DNAJC10: variants seen among roughly 807,000 people sequenced by gnomAD.
DNAJC10 encodes the protein endoplasmic reticulum disulfide reductase DNAJC10.
Under a neutral mutation model 115.0 loss-of-function variants are expected in DNAJC10, and 101 were observed. The observed-to-expected ratio is 0.88, with a 90% CI of 0.75 to 1.04. The LOEUF is 1.04. DNAJC10 is among the 50% of genes least tolerant of loss of function. The probability of loss-of-function intolerance (pLI) is 0.00; values close to 1 mark genes in which losing one functional copy is unlikely to be tolerated. For missense variants in DNAJC10, 981 were observed against 928.8 expected (o/e 1.06, Z -0.73); for synonymous variants, 307 against 301.5 (o/e 1.02, Z -0.19).
At chr2:182,764,314 A>T (rs1230482668) in intron 22 of DNAJC10, among the ~76,000 whole-genome samples, 3 of 152,166 alleles carry the variant, frequency 2.0e-5, no homozygotes, top group Non-Finnish European at 4.4e-5. Flanking sequence ...GTGGCTTATC[A>T]CTGAGGCTGT....
Position 182,743,638 on chromosome 2 carries a change from G to C in DNAJC10, c.1232G>C (p.Ser411Thr). The C allele has an allele frequency of 6.2e-7, 1 of 1,613,656 alleles. No homozygotes were observed. Among genetic ancestry groups the C allele is most frequent in the Non-Finnish European group, 8.5e-7 (1 of 1,179,810 alleles). Reference protein sequence around the residue: ...FDCSSAPDICSNLYVFQPSLA... With the variant: ...FDCSSAPDICTNLYVFQPSLA... The stretch of plus-strand genomic sequence containing the variant: ...TGTTCCTCTGCACCAGACATCTGTA[G>C]TAATCTGTATGTTTTTCAGCCGTCT... Residue 411 changes from serine to threonine, a missense_variant, in exon 14 of 24, where the codon AGT becomes ACT. By Grantham distance (58) the Ser-to-Thr change is moderately conservative (BLOSUM62 1). Coordinates refer to ENST00000264065, the MANE Select transcript of DNAJC10 (RefSeq NM_018981.4).
At chr2:182,748,081 C>G (rs1247442248) in intron 14 of DNAJC10, among the ~76,000 whole-genome samples, 1 of 144,956 alleles carries the variant, frequency 6.9e-6, no homozygotes, top group Non-Finnish European at 1.5e-5. Context: ...GGATGAAGCC[C>G]ACTTGATCAT....
intron 9 of DNAJC10, among the ~76,000 whole-genome samples, chr2:182,731,839 G>A (rs568783694): frequency 3.9e-5 from 6 of 152,238 alleles, no homozygotes; most frequent in South Asian, 4.1e-4. Flanking sequence ...GCAGCAAAAC[G>A]TCAGCCTTAA....
chr2:182,727,977 T>A (rs1344745412), intron 5 of DNAJC10, among the ~76,000 whole-genome samples: 1 of 152,240 alleles, frequency 6.6e-6, no homozygotes, highest in Non-Finnish European at 1.5e-5. Flanking sequence ...TTTTGAATTG[T>A]TAAAAACCTC....
intron 14 of DNAJC10, among the ~76,000 whole-genome samples, chr2:182,749,169 G>T (rs879518522): frequency 6.7e-6 from 1 of 149,088 alleles, no homozygotes; most frequent in Non-Finnish European, 1.5e-5. Flanking sequence ...ATGTCTATTA[G>T]GTCTGCTTGG....
rs749081773 is a variant in DNAJC10, at chr2:182,748,254, T to TAGGG, written c.1307-3400_1307-3397dup. ...ATGATGCTGGCCTCATAAAATGAGT[T>TAGGG]AGGGAGGATTCCCTCTTTTTCTATT... is the stretch of plus-strand genomic sequence containing the variant. On this transcript the variant is annotated intron_variant, in intron 14 of 23. Coordinates refer to ENST00000264065, the MANE Select transcript of DNAJC10 (RefSeq NM_018981.4). 8.5e-3 allele frequency among the ~76,000 whole-genome samples: 1,298 copies of TAGGG among 152,094 alleles called. 15 individuals carry two copies. The highest frequency in any genetic ancestry group is 0.01 in the Non-Finnish European group (694 of 67,988).
chr2:182,757,435 G>GT (rs1281240791), intron 18 of DNAJC10, among the ~76,000 whole-genome samples: 1 of 152,094 alleles, frequency 6.6e-6, no homozygotes, highest in Admixed American at 6.5e-5. Context: ...GAAGTATATA[G>GT]TTTTTTCTCA....
intron 21 of DNAJC10, 31 bp from the exon 22 acceptor site, chr2:182,762,651 G>C (rs1694313937): frequency 1.2e-6 from 2 of 1,608,580 alleles, no homozygotes; most frequent in South Asian, 2.2e-5. Context: ...ATGCCAAACA[G>C]AAAATGGCAA....
intron 14 of DNAJC10, 47 bp from the exon 15 acceptor site, chr2:182,751,611 A>C (rs774863307): frequency 6.3e-7 from 1 of 1,594,436 alleles, no homozygotes; most frequent in South Asian, 1.1e-5. Flanking sequence ...CTCTGTGCAT[A>C]CAAAAAGCAG....
intron 16 of DNAJC10, 35 bp from the exon 17 acceptor site, chr2:182,754,968 A>T (rs755791948): frequency 1.4e-6 from 2 of 1,454,026 alleles, no homozygotes; most frequent in Middle Eastern, 1.7e-4. Flanking sequence ...GGTGAAATCT[A>T]TAAAATCTTT....
rs202044858 is a variant in DNAJC10, at chr2:182,740,313, G to A, written c.1002G>A (p.Leu334=). The A allele has an allele frequency of 1.5e-5, 22 of 1,484,552 alleles. No individual in the cohort carries two copies. In the East Asian group the frequency reaches 5.1e-4, roughly 35 times the overall value. 92.0% of individuals were successfully genotyped at this position (1,484,552 alleles called of 1,614,324 possible). ...TCTTTTTCTAGTTTCTCAACTCATT[G>A]GATGCTAAAGAAATATATTTGGAAG... ...EKNSILFLNS[L]DAKEIYLEVI... is the part of the protein sequence containing the mutation. Residue 334 remains leucine (L), a synonymous_variant, in exon 12 of 24, where the codon TTG becomes TTA. Transcript: ENST00000264065.
At chr2:182,730,954 A>T (rs71427863) in intron 8 of DNAJC10, 76 bp from the exon 9 acceptor site, 1 of 1,000,216 alleles carries the variant, frequency 1.0e-6, no homozygotes, top group Non-Finnish European at 1.5e-6. Flanking sequence ...GAAAGGAAAA[A>T]TTACTTAGAA....
At position 182,766,345 on chromosome 2, in the gene DNAJC10, T is replaced by C. The variant is rs138553135; in HGVS notation, c.2265+3544T>C. Among the ~76,000 whole-genome samples the C allele has an allele frequency of 2.6e-3, 400 of 152,228 alleles. 1 individual carries two copies. Among genetic ancestry groups the C allele is most frequent in the African/African-American group, 8.7e-3 (361 of 41,528 alleles). On this transcript the variant is annotated intron_variant, in intron 22 of 23. Transcript: ENST00000264065. ...TTAGAATGAGAGCGAATATGTATGA[T>C]GTAAAGAGGGTGATGATGGGACCGA...
At chr2:182,730,969 G>C (rs890415195) in intron 8 of DNAJC10, 61 bp from the exon 9 acceptor site, 23 of 1,132,114 alleles carry the variant, frequency 2.0e-5, no homozygotes, top group Non-Finnish European at 2.9e-5. Context: ...TTAGAAGACT[G>C]TTTCCATTAG....
At chr2:182,720,748 T>C (rs1693130422) in intron 4 of DNAJC10, among the ~76,000 whole-genome samples, 1 of 152,172 alleles carries the variant, frequency 6.6e-6, no homozygotes, top group Non-Finnish European at 1.5e-5. Flanking sequence ...TAGGGGTAGC[T>C]AAATATTTCT....
intron 4 of DNAJC10, among the ~76,000 whole-genome samples, chr2:182,721,138 T>A (rs1188193255): frequency 1.3e-5 from 2 of 152,134 alleles, no homozygotes; most frequent in African/African-American, 4.8e-5. Flanking sequence ...TTAATTAACC[T>A]CAAATGCAGG....
At chr2:182,760,003 ATCT>A (rs928898478) in intron 21 of DNAJC10, among the ~76,000 whole-genome samples, 32 of 152,104 alleles carry the variant, frequency 2.1e-4, no homozygotes, top group African/African-American at 7.5e-4. Context: ...TGCCCTGGTG[ATCT>A]TCTAAAATAT....
At chr2:182,736,001 T>C (rs529382153) in intron 10 of DNAJC10, among the ~76,000 whole-genome samples, 1 of 152,226 alleles carries the variant, frequency 6.6e-6, no homozygotes, top group South Asian at 2.1e-4. Flanking sequence ...TTATAAAAAG[T>C]AGATTTCTAC....
chr2:182,722,974 A>G (rs1693190929), intron 5 of DNAJC10, among the ~76,000 whole-genome samples: 1 of 151,316 alleles, frequency 6.6e-6, no homozygotes, highest in African/African-American at 2.4e-5. Context: ...TTCATATATT[A>G]TCGTTAAAAA....
Sources: allele counts gnomAD v4.1 joint callset (sites outside exome capture counted in the v4.1 genomes callset), GRCh38; gene constraint gnomAD v4.1.1; transcripts MANE v1.5; gene names NCBI Gene and HGNC (gene_info 2026-07-23, HGNC 2026-07-21).